TMEM41B: variants seen among roughly 807,000 people sequenced by gnomAD.
TMEM41B encodes protein stasimon.
A neutral mutation model predicts 31.9 loss-of-function variants in TMEM41B; 18 were observed. The observed-to-expected ratio is 0.56, with a 90% CI of 0.39 to 0.84. The LOEUF (loss-of-function observed/expected upper bound fraction) is 0.84. TMEM41B is among the 40% of genes least tolerant of loss of function. TMEM41B has a pLI of 0.00. For synonymous variants in TMEM41B, 144 were observed against 124.3 expected (o/e 1.16, Z -1.05); for missense variants, 322 against 348.0 (o/e 0.93, Z 0.59).
intron 3 of TMEM41B, 39 bp downstream of exon 3, chr11:9,295,220 G>A (rs1159957760): frequency 3.4e-6 from 5 of 1,462,120 alleles, no homozygotes; most frequent in African/African-American, 1.4e-5. Context: ...ACTTTTTCTT[G>A]AACAAAATTA....
At chr11:9,288,993 A>G (rs1852896676) in intron 3 of TMEM41B, among the ~76,000 whole-genome samples, 1 of 152,196 alleles carries the variant, frequency 6.6e-6, no homozygotes, top group Non-Finnish European at 1.5e-5. Context: ...AGAAATTACA[A>G]AATATAGTAA....
rs1853277073 is a variant in TMEM41B at position 9,302,090 on chromosome 11, T to A, written c.122-2389A>T. ...GGCACAATCTCAGCTCACTGCAACC[T>A]CCGCCTCCCGGGTTCACGCCATTCT... On this transcript the variant is annotated intron_variant, in intron 1 of 6. Transcript: ENST00000528080. Among the ~76,000 whole-genome samples, 4 of 114,052 alleles carry A rather than the reference T, an allele frequency of 3.5e-5. 1 individual carries two copies. The highest frequency in any genetic ancestry group is 9.0e-5 in the Admixed American group (1 of 11,130). The allele number at this position is 114,052 out of a possible 152,430, so 74.8% of individuals were successfully genotyped here. A position where few individuals can be genotyped will look rare whatever the true frequency, so the allele number is the denominator to read the frequency against.
chr11:9,309,599 T>C (rs1270321533), intron 1 of TMEM41B, among the ~76,000 whole-genome samples: 3 of 151,502 alleles, frequency 2.0e-5, no homozygotes, highest in Non-Finnish European at 4.4e-5. Flanking sequence ...AGGCAGGATC[T>C]AGACCAGGGA....
chr11:9,307,311 T>TA (rs1417415183), intron 1 of TMEM41B, among the ~76,000 whole-genome samples: 2 of 152,174 alleles, frequency 1.3e-5, no homozygotes, highest in African/African-American at 4.8e-5. Context: ...ACAAGTCTCT[T>TA]AAGGTCACAA....
chr11:9,290,733 T>C (rs1006911109), intron 3 of TMEM41B, among the ~76,000 whole-genome samples: 1 of 152,150 alleles, frequency 6.6e-6, no homozygotes, highest in Non-Finnish European at 1.5e-5. Flanking sequence ...TTTGGTGCAA[T>C]TCCTACTTCT....
chr11:9,296,953 C>CT (rs1853107244), intron 2 of TMEM41B, among the ~76,000 whole-genome samples: 1 of 134,998 alleles, frequency 7.4e-6, no homozygotes, highest in Admixed American at 7.2e-5. Context: ...CTCCCATGCT[C>CT]TGTCACCCAG....
In TMEM41B at chr11:9,299,713, AAG is replaced by A; in HGVS notation, c.122-14_122-13del. On this transcript the variant is annotated splice_polypyrimidine_tract_variant and intron_variant, in intron 1 of 6. Coordinates refer to ENST00000528080, the MANE Select transcript of TMEM41B (RefSeq NM_015012.4). ...TACCCAGGATTTTTCTGGAAGAAAA[AAG>A]AAAGTATAATTAAGATAAATATAAA... is the stretch of plus-strand genomic sequence containing the variant. 6.5e-7 allele frequency: 1 copy of A among 1,528,036 alleles called. No individual in the cohort carries two copies. The highest frequency in any genetic ancestry group is 9.0e-7 in the Non-Finnish European group (1 of 1,110,426). 94.7% of individuals were successfully genotyped at this position (1,528,036 alleles called of 1,614,324 possible).
At chr11:9,304,032 T>C (rs1384080439) in intron 1 of TMEM41B, among the ~76,000 whole-genome samples, 1 of 152,214 alleles carries the variant, frequency 6.6e-6, no homozygotes, top group Admixed American at 6.5e-5. Flanking sequence ...GGAGATTTGC[T>C]CAACTCTTAC....
At chr11:9,291,115 C>CA (rs978578465) in intron 3 of TMEM41B, among the ~76,000 whole-genome samples, 4 of 150,328 alleles carry the variant, frequency 2.7e-5, no homozygotes, top group South Asian at 2.1e-4. Context: ...GACTCTGTCT[C>CA]AAAAAAAATA....
At position 9,283,581 on chromosome 11, in the gene TMEM41B, G is replaced by C; in HGVS notation, c.719C>G (p.Pro240Arg). The C allele has an allele frequency of 6.2e-7, 1 of 1,603,350 alleles. No individual in the cohort carries two copies. The change falls in exon 7 of 7, where the codon CCT (proline) becomes CGT (arginine). Residue 240 changes from proline (P) to arginine (R), a missense_variant. Coordinates refer to ENST00000528080, the MANE Select transcript of TMEM41B (RefSeq NM_015012.4). ...FIGTFLGVAP[P>R]SFVAIKAGTT... ...TCCTGCCTTAATGGCTACAAAAGAA[G>C]GAGGTGCGACACCTGAAATAAAATA...
At chr11:9,304,174 G>A (rs1853324741) in intron 1 of TMEM41B, among the ~76,000 whole-genome samples, 1 of 152,128 alleles carries the variant, frequency 6.6e-6, no homozygotes, top group Admixed American at 6.6e-5. Context: ...TGATATGTAT[G>A]CTTTTTTGGA....
intron 1 of TMEM41B, among the ~76,000 whole-genome samples, chr11:9,310,679 T>TA (rs770879676): frequency 0.17 from 16,117 of 96,170 alleles, 1,358 homozygotes; most frequent in Non-Finnish European, 0.24. Context: ...TTTTTTTTTT[T>TA]AACCAGGAGA....
chr11:9,304,400 A>C (rs1171596497), intron 1 of TMEM41B, among the ~76,000 whole-genome samples: 1 of 152,128 alleles, frequency 6.6e-6, no homozygotes, highest in Non-Finnish European at 1.5e-5. Flanking sequence ...AAAAGCAAAA[A>C]CATCAGGGTG....
chr11:9,303,708 C>A (rs1853313781), intron 1 of TMEM41B, among the ~76,000 whole-genome samples: 1 of 146,516 alleles, frequency 6.8e-6, no homozygotes, highest in Non-Finnish European at 1.5e-5. Context: ...GCCTCTGTCG[C>A]CCAGTCTGGA....
At chr11:9,299,537 T>A in intron 2 of TMEM41B, 47 bp downstream of exon 2, 1 of 1,316,740 alleles carries the variant, frequency 7.6e-7, no homozygotes, top group Non-Finnish European at 1.1e-6. Flanking sequence ...TCCACTTTCA[T>A]CTTATAAATA....
At chr11:9,288,754 A>G (rs569774846) in intron 3 of TMEM41B, among the ~76,000 whole-genome samples, 1 of 152,304 alleles carries the variant, frequency 6.6e-6, no homozygotes, top group East Asian at 1.9e-4. Flanking sequence ...TATGTTCTAG[A>G]TAGAGAGGAA....
intron 1 of TMEM41B, among the ~76,000 whole-genome samples, chr11:9,307,376 T>TA (rs1303250561): frequency 2.0e-5 from 3 of 152,090 alleles, no homozygotes; most frequent in Admixed American, 6.6e-5. Context: ...CTTAAACTAT[T>TA]AAAAAAATTA....
At position 9,288,554 on chromosome 11, in the gene TMEM41B, A is replaced by G. The variant is rs201146323; in HGVS notation, c.369-19T>C. 2,321 of 1,510,448 alleles carry G rather than the reference A, an allele frequency of 1.5e-3. 8 individuals carry two copies. The highest frequency in any genetic ancestry group is 3.1e-3 in the Admixed American group (147 of 47,522). The allele number at this position is 1,510,448 out of a possible 1,614,324, so 93.6% of individuals were successfully genotyped here. A position where few individuals can be genotyped will look rare whatever the true frequency, so the allele number is the denominator to read the frequency against. On this transcript the variant is annotated intron_variant, in intron 3 of 6. Transcript: ENST00000528080. ...TTGCAAGCTGGTAACTTTTAAGTTA[A>G]GGATTAGAATATAATTAAGTAGAAT... is the stretch of plus-strand genomic sequence containing the variant.
chr11:9,306,960 T>C (rs1853413147), intron 1 of TMEM41B, among the ~76,000 whole-genome samples: 1 of 152,222 alleles, frequency 6.6e-6, no homozygotes, highest in South Asian at 2.1e-4. Context: ...TATCATTAAA[T>C]GTCAACACAC....
Sources: allele counts gnomAD v4.1 joint callset (sites outside exome capture counted in the v4.1 genomes callset), GRCh38; gene constraint gnomAD v4.1.1; transcripts MANE v1.5; gene names NCBI Gene and HGNC (gene_info 2026-07-23, HGNC 2026-07-21).